MCF2L2: variants seen among roughly 807,000 people sequenced by gnomAD.
MCF2L2 encodes probable guanine nucleotide exchange factor MCF2L2.
Under a neutral mutation model 150.2 loss-of-function variants are expected in MCF2L2, and 102 were observed. The observed-to-expected ratio is 0.68, with a 90% CI of 0.58 to 0.80. The LOEUF (loss-of-function observed/expected upper bound fraction) is 0.80. MCF2L2 is among the 30% of genes least tolerant of loss of function. The pLI is 0.00. For missense variants in MCF2L2, 1,256 were observed against 1,372.8 expected (o/e 0.91, Z 1.34); for synonymous variants, 465 against 491.3 (o/e 0.95, Z 0.71).
chr3:183,335,950 C>T (rs917031000), intron 5 of MCF2L2, among the ~76,000 whole-genome samples: 10 of 152,150 alleles, frequency 6.6e-5, no homozygotes, highest in Non-Finnish European at 1.3e-4. Context: ...GAGGCCAAAG[C>T]GTTCGTCACC....
intron 1 of MCF2L2, among the ~76,000 whole-genome samples, chr3:183,425,243 T>C (rs1716100810): frequency 6.6e-6 from 1 of 151,564 alleles, no homozygotes; most frequent in South Asian, 2.1e-4. Flanking sequence ...AATATGGGAG[T>C]GGGTGAAGAG....
intron 1 of MCF2L2, among the ~76,000 whole-genome samples, chr3:183,416,902 G>A (rs1313515546): frequency 6.6e-6 from 1 of 152,030 alleles, no homozygotes; most frequent in East Asian, 1.9e-4. Context: ...GAGGTCAGGA[G>A]ATCGAGACCA....
intron 15 of MCF2L2, chr3:183,272,942 G>C (rs73184919): frequency 4.0e-5 from 56 of 1,410,324 alleles, no homozygotes; most frequent in Non-Finnish European, 5.1e-5. Flanking sequence ...TTTAATTTTT[G>C]CTTAGAATAG....
At chr3:183,324,166 T>C (rs937905567) in intron 5 of MCF2L2, among the ~76,000 whole-genome samples, 3 of 152,204 alleles carry the variant, frequency 2.0e-5, no homozygotes, top group Non-Finnish European at 4.4e-5. Flanking sequence ...ATGAAGAATA[T>C]TGATGTGTCC....
rs534017436 is a variant in MCF2L2, at chr3:183,182,047, C to T, written c.3017-1888G>A. On this transcript the variant is annotated intron_variant, in intron 27 of 29. Transcript: ENST00000328913. Reference sequence around the variant, plus strand: ...TGCTCTCGCGGGCCCTGCAGGGAAGCGGGGAAGGGAAGGGGGCACAGCGCT... The same window carrying T: ...TGCTCTCGCGGGCCCTGCAGGGAAGTGGGGAAGGGAAGGGGGCACAGCGCT... Among the ~76,000 whole-genome samples the T allele has an allele frequency of 5.9e-5, 9 of 152,226 alleles. No homozygotes were observed. The South Asian group carries it at 6.2e-4, about 11-fold the overall frequency.
chr3:183,391,074 G>C (rs570918114), intron 1 of MCF2L2, among the ~76,000 whole-genome samples: 1 of 152,226 alleles, frequency 6.6e-6, no homozygotes, highest in East Asian at 1.9e-4. Flanking sequence ...TGATATTCTA[G>C]TGTTGACCAA....
At chr3:183,211,978 C>T (rs921492840) in intron 22 of MCF2L2, among the ~76,000 whole-genome samples, 3 of 152,082 alleles carry the variant, frequency 2.0e-5, no homozygotes, top group African/African-American at 7.2e-5. Flanking sequence ...TGGGGTTGCC[C>T]TGGGTTAGGA....
intron 3 of MCF2L2, among the ~76,000 whole-genome samples, chr3:183,356,986 TG>T (rs1297466125): frequency 1.3e-5 from 2 of 152,036 alleles, no homozygotes; most frequent in East Asian, 1.9e-4. Context: ...AACCTAAAAA[TG>T]TATAGAAGAG....
At position 183,302,382 on chromosome 3, in the gene MCF2L2, G is replaced by A. The variant is rs1369315984; in HGVS notation, c.1114-2186C>T. On this transcript the variant is annotated intron_variant, in intron 10 of 29. Transcript: ENST00000328913. ...TGAGACCTGAAGTCAGGGACAAGCC[G>A]TGCAGTACTTGGCTGGGAGGTGAAG... Among the ~76,000 whole-genome samples the A allele has an allele frequency of 9.8e-5, 15 of 152,298 alleles. 1 individual carries two copies. In the South Asian group the frequency reaches 2.1e-3, roughly 21 times the overall value.
At chr3:183,335,333 T>C (rs986323480) in intron 5 of MCF2L2, among the ~76,000 whole-genome samples, 1 of 149,950 alleles carries the variant, frequency 6.7e-6, no homozygotes, top group African/African-American at 2.5e-5. Flanking sequence ...ACATATGCAT[T>C]ACAATACATA....
At chr3:183,368,056 C>T (rs1712645328) in intron 3 of MCF2L2, among the ~76,000 whole-genome samples, 1 of 152,158 alleles carries the variant, frequency 6.6e-6, no homozygotes, top group African/African-American at 2.4e-5. Context: ...TGTGAGTTTA[C>T]CCAAGTTCTT....
chr3:183,195,078 C>G lies in MCF2L2; in HGVS notation c.2918+144G>C, dbSNP rs1722035666. On this transcript the variant is annotated intron_variant, in intron 26 of 29. Coordinates refer to ENST00000328913, the MANE Select transcript of MCF2L2 (RefSeq NM_015078.4). ...GATTACAGGCGTGAGCCACTGCGCC[C>G]AGCCAATATTTTTTAAAAATTGGAA... 1.1e-5 allele frequency: 8 copies of G among 710,878 alleles called. No homozygotes were observed. In the South Asian group the frequency reaches 1.7e-4, roughly 15 times the overall value. The allele number at this position is 710,878 out of a possible 1,614,324, so 44.0% of individuals were successfully genotyped here. A position where few individuals can be genotyped will look rare whatever the true frequency, so the allele number is the denominator to read the frequency against.
chr3:183,347,983 G>A (rs1275229761), intron 3 of MCF2L2, among the ~76,000 whole-genome samples: 2 of 152,180 alleles, frequency 1.3e-5, no homozygotes, highest in East Asian at 1.9e-4. Flanking sequence ...CATTGTGGAA[G>A]ACAGTGTGGC....
chr3:183,328,989 T>G (rs554694930), intron 5 of MCF2L2, among the ~76,000 whole-genome samples: 5 of 152,244 alleles, frequency 3.3e-5, no homozygotes, highest in African/African-American at 9.6e-5. Context: ...TACCACAACA[T>G]GCCTATTAAA....
chr3:183,421,066 T>C (rs2108633186), intron 1 of MCF2L2, among the ~76,000 whole-genome samples: 1 of 152,374 alleles, frequency 6.6e-6, no homozygotes, highest in Non-Finnish European at 1.5e-5. Context: ...AAAGTTTCTT[T>C]GTATGTGATG....
At chr3:183,352,102 T>C (rs1272471032) in intron 3 of MCF2L2, among the ~76,000 whole-genome samples, 5 of 152,216 alleles carry the variant, frequency 3.3e-5, no homozygotes, top group African/African-American at 1.2e-4. Flanking sequence ...TACTTCAGCA[T>C]CTTCATCATA....
chr3:183,296,732 T>C, intron 12 of MCF2L2: 1 of 460,020 alleles, frequency 2.2e-6, no homozygotes, highest in South Asian at 3.0e-5. Flanking sequence ...GCACAGCACA[T>C]GGTACATCAG....
chr3:183,341,767 T>G, intron 3 of MCF2L2, 137 bp from the exon 4 acceptor site: 1 of 617,056 alleles, frequency 1.6e-6, no homozygotes, highest in Non-Finnish European at 2.9e-6. Context: ...CACAACCAAC[T>G]CCCTCTCCCA....
chr3:183,199,973 G>A (rs1413439427), intron 25 of MCF2L2, among the ~76,000 whole-genome samples: 1 of 152,138 alleles, frequency 6.6e-6, no homozygotes, highest in Non-Finnish European at 1.5e-5. Context: ...TTTTATGGCT[G>A]CATAGTATTC....
Sources: gnomAD v4.1 joint callset for allele counts (sites outside exome capture counted in the v4.1 genomes callset) on GRCh38, gnomAD v4.1.1 for gene constraint, MANE v1.5 for transcripts, NCBI Gene and HGNC (gene_info 2026-07-23, HGNC 2026-07-21) for gene names.